The following NRXN3 variants were observed in gnomAD, a reference collection of about 807,000 sequenced individuals.
NRXN3 encodes the protein neurexin 3.
Under a neutral mutation model 137.6 loss-of-function variants are expected in NRXN3, and 32 were observed. That is an observed-to-expected ratio of 0.23 (90% CI 0.18 to 0.31). The LOEUF is 0.31. Among genes scored for constraint, NRXN3 ranks in the 10% least tolerant of loss-of-function variants. NRXN3 has a pLI of 1.00. For synonymous variants in NRXN3, 798 were observed against 784.5 expected (o/e 1.02, Z -0.29); for missense variants, 1,574 against 2,062.5 (o/e 0.76, Z 4.59).
intron 9 of NRXN3, among the ~76,000 whole-genome samples, chr14:78,808,001 A>G (rs552900038): frequency 6.6e-6 from 1 of 151,946 alleles, no homozygotes; most frequent in Non-Finnish European, 1.5e-5. Context: ...AACCACATAT[A>G]TAAATGTGTA....
intron 15 of NRXN3, among the ~76,000 whole-genome samples, chr14:79,302,339 C>T (rs1277434993): frequency 6.6e-6 from 1 of 151,950 alleles, no homozygotes; most frequent in Non-Finnish European, 1.5e-5. Flanking sequence ...CATGGTTTTG[C>T]AGACTGTACA....
At chr14:78,685,601 A>G (rs1343376624) in intron 6 of NRXN3, among the ~76,000 whole-genome samples, 1 of 143,516 alleles carries the variant, frequency 7.0e-6, no homozygotes, top group African/African-American at 2.6e-5. Context: ...TTGTTCTCTC[A>G]TGTTTCCAAA....
intron 15 of NRXN3, among the ~76,000 whole-genome samples, chr14:78,996,982 G>A (rs2099531478): frequency 6.6e-6 from 1 of 152,128 alleles, no homozygotes; most frequent in Non-Finnish European, 1.5e-5. Flanking sequence ...TGTTGCCCAT[G>A]GGAATCACAC....
intron 16 of NRXN3, among the ~76,000 whole-genome samples, chr14:79,487,630 C>T (rs1476542058): frequency 1.4e-5 from 2 of 146,100 alleles, no homozygotes; most frequent in Non-Finnish European, 2.9e-5. Context: ...GAAGTCTACC[C>T]AGCCTGAGGA....
chr14:79,365,154 A>G (rs6574506), intron 15 of NRXN3, among the ~76,000 whole-genome samples: 67,825 of 151,762 alleles, frequency 0.45, 15,523 homozygotes, highest in South Asian at 0.54. Context: ...TTCATGTGAC[A>G]GGTTGAACTG....
intron 17 of NRXN3, among the ~76,000 whole-genome samples, chr14:79,665,970 GT>G (rs2098555440): frequency 6.6e-6 from 1 of 152,102 alleles, no homozygotes; most frequent in Non-Finnish European, 1.5e-5. Flanking sequence ...GCATTTATAA[GT>G]ATGGGCCTTG....
rs994714026 is a variant in NRXN3 at position 79,504,655 on chromosome 14, G to GTATATATATATATATATATATATATA, written c.3444+37273_3444+37274insTATATATATATATATATATATATATA. On this transcript the variant is annotated intron_variant, in intron 16 of 20. Transcript: ENST00000335750. The stretch of plus-strand genomic sequence containing the variant: ...AATGAAGTTTTTTATATATATATAT[G>GTATATATATATATATATATATATATA]TATATATATATATATATATAAAACA... 1.6e-4 allele frequency among the ~76,000 whole-genome samples: 17 copies of GTATATATATATATATATATATATATA among 104,220 alleles called. 1 individual carries two copies. The highest frequency in any genetic ancestry group is 5.5e-4 in the African/African-American group (16 of 29,190). The allele number at this position is 104,220 out of a possible 152,430, so 68.4% of individuals were successfully genotyped here. A position where few individuals can be genotyped will look rare whatever the true frequency, so the allele number is the denominator to read the frequency against.
intron 4 of NRXN3, among the ~76,000 whole-genome samples, chr14:78,387,401 C>A (rs1276883301): frequency 6.6e-6 from 1 of 152,102 alleles, no homozygotes; most frequent in Non-Finnish European, 1.5e-5. Flanking sequence ...CGCTATGTGA[C>A]CTTGGGGTGA....
rs138204527 is a variant in NRXN3 at position 79,284,796 on chromosome 14, A to G, written c.3263-182425A>G. 6.5e-3 allele frequency among the ~76,000 whole-genome samples: 981 copies of G among 152,004 alleles called. 12 individuals carry two copies. The highest frequency in any genetic ancestry group is 0.01 in the Non-Finnish European group (703 of 67,968). On this transcript the variant is annotated intron_variant, in intron 15 of 20. Transcript: ENST00000335750. The stretch of plus-strand genomic sequence containing the variant: ...AGCCTTGGGGGCTTGTTTTGCTTTG[A>G]TCTATTGAGTGCCTTCTTCTGCTCA...
chr14:79,148,602 T>C (rs1385279726), intron 15 of NRXN3, among the ~76,000 whole-genome samples: 4 of 152,178 alleles, frequency 2.6e-5, no homozygotes, highest in Non-Finnish European at 5.9e-5. Flanking sequence ...ACTGCCTTCC[T>C]TTGTGGACAT....
At chr14:78,182,803 G>A (rs2059924778) in intron 1 of NRXN3, among the ~76,000 whole-genome samples, 1 of 152,170 alleles carries the variant, frequency 6.6e-6, no homozygotes, top group East Asian at 1.9e-4. Flanking sequence ...CCTTTCAGCA[G>A]CTAGGATAAG....
At chr14:79,337,444 G>T (rs1002686463) in intron 15 of NRXN3, among the ~76,000 whole-genome samples, 2 of 152,148 alleles carry the variant, frequency 1.3e-5, no homozygotes, top group Non-Finnish European at 2.9e-5. Context: ...GCAGGAGCTG[G>T]TATATCTAAT....
At position 78,781,052 on chromosome 14, in the gene NRXN3, G is replaced by C. The variant is rs184957229; in HGVS notation, c.2045-22568G>C. Among the ~76,000 whole-genome samples the C allele has an allele frequency of 8.5e-5, 13 of 152,218 alleles. No individual in the cohort carries two copies. In the East Asian group the frequency reaches 2.5e-3, roughly 29 times the overall value. On this transcript the variant is annotated intron_variant, in intron 8 of 20. Transcript: ENST00000335750. Reference sequence around the variant, plus strand: ...CAGAAGAGTGCATCAATAAATTGTGGTATCTCTATATAATATAATAACATC... The same window carrying C: ...CAGAAGAGTGCATCAATAAATTGTGCTATCTCTATATAATATAATAACATC...
intron 15 of NRXN3, among the ~76,000 whole-genome samples, chr14:79,164,969 T>G (rs2153076455): frequency 6.6e-6 from 1 of 152,136 alleles, no homozygotes; most frequent in South Asian, 2.1e-4. Context: ...TTTGGAGCTA[T>G]AAATCCAGGA....
chr14:79,651,774 G>A (rs221456), intron 16 of NRXN3, among the ~76,000 whole-genome samples: 59,373 of 151,966 alleles, frequency 0.39, 16,040 homozygotes, highest in African/African-American at 0.77. Flanking sequence ...AGGAAAGTGT[G>A]CCTCATTGAG....
chr14:78,728,154 G>A (rs190193141), intron 8 of NRXN3, among the ~76,000 whole-genome samples: 184 of 152,260 alleles, frequency 1.2e-3, no homozygotes, highest in African/African-American at 4.4e-3. Flanking sequence ...TGTACCTTTG[G>A]GCTGGTCCTT....
At chr14:78,605,356 C>T (rs182634195) in intron 4 of NRXN3, among the ~76,000 whole-genome samples, 24 of 152,272 alleles carry the variant, frequency 1.6e-4, no homozygotes, top group Admixed American at 9.2e-4. Context: ...CACACAGATT[C>T]TGCTGGAAGT....
chr14:79,695,638 A>G (rs1412670801), intron 18 of NRXN3, among the ~76,000 whole-genome samples: 1 of 89,894 alleles, frequency 1.1e-5, no homozygotes, highest in Non-Finnish European at 2.1e-5. Flanking sequence ...GGGCTTCCAG[A>G]AAAAAAAAAA....
intron 19 of NRXN3, among the ~76,000 whole-genome samples, chr14:79,724,458 G>C (rs1324624700): frequency 6.6e-6 from 1 of 152,076 alleles, no homozygotes; most frequent in East Asian, 1.9e-4. Flanking sequence ...ACATACAAAG[G>C]AGACTTTGCC....
Sources: allele counts gnomAD v4.1 joint callset (sites outside exome capture counted in the v4.1 genomes callset), GRCh38; gene constraint gnomAD v4.1.1; transcripts MANE v1.5; gene names NCBI Gene and HGNC (gene_info 2026-07-23, HGNC 2026-07-21).